The following NKAIN2 variants were observed in gnomAD, a reference collection of about 807,000 sequenced individuals.
The protein encoded by NKAIN2 is sodium/potassium-transporting ATPase subunit beta-1-interacting protein 2.
Under a neutral mutation model 32.6 loss-of-function variants are expected in NKAIN2, and 14 were observed. The ratio of observed to expected loss-of-function variants is 0.43; its 90% CI spans 0.28 to 0.67. The LOEUF is 0.67. Ranked by LOEUF, NKAIN2 falls within the 30% of genes least tolerant of loss-of-function variation. NKAIN2 has a pLI of 0.17. For missense variants in NKAIN2, 198 were observed against 258.3 expected (o/e 0.77, Z 1.60); for synonymous variants, 80 against 87.2 (o/e 0.92, Z 0.46).
intron 3 of NKAIN2, among the ~76,000 whole-genome samples, chr6:124,636,103 A>T (rs1344118586): frequency 6.6e-6 from 1 of 151,982 alleles, no homozygotes; most frequent in Non-Finnish European, 1.5e-5. Flanking sequence ...TTCTCAGACC[A>T]CAATAGAATA....
chr6:124,682,887 G>T (rs1304595501), intron 4 of NKAIN2, among the ~76,000 whole-genome samples: 1 of 152,090 alleles, frequency 6.6e-6, no homozygotes, highest in Non-Finnish European at 1.5e-5. Flanking sequence ...GCTTTACTCA[G>T]GTTCTCACTT....
intron 3 of NKAIN2, among the ~76,000 whole-genome samples, chr6:124,509,637 CAGTAATTTGTG>C (rs1180734432): frequency 6.6e-6 from 1 of 152,186 alleles, no homozygotes; most frequent in African/African-American, 2.4e-5. Context: ...AATACCCACC[CAGTAATTTGTG>C]AGCAAGAAGC....
Position 123,807,874 on chromosome 6 carries a change from G to T in NKAIN2, c.54+3620G>T, listed in dbSNP as rs568865921. Among the ~76,000 whole-genome samples, 33 of 152,274 alleles carry T rather than the reference G, an allele frequency of 2.2e-4. No individual in the cohort carries two copies. The South Asian group carries it at 5.8e-3, about 27-fold the overall frequency. ...ATGAAATATTGTTAACTTGGAGCAGGTGCAACTAACAATTAGGTTAGTACA... is the reference window on the plus strand; with the variant it reads ...ATGAAATATTGTTAACTTGGAGCAGTTGCAACTAACAATTAGGTTAGTACA... On this transcript the variant is annotated intron_variant, in intron 1 of 6. Transcript: ENST00000368417.
intron 4 of NKAIN2, among the ~76,000 whole-genome samples, chr6:124,686,310 GA>G (rs1463686832): frequency 6.6e-6 from 1 of 152,104 alleles, no homozygotes; most frequent in South Asian, 2.1e-4. Context: ...AATTTATAAA[GA>G]AAAAAGGTTT....
intron 1 of NKAIN2, among the ~76,000 whole-genome samples, chr6:123,850,343 A>G (rs1290463903): frequency 3.3e-5 from 2 of 60,614 alleles, no homozygotes; most frequent in African/African-American, 2.4e-4. Flanking sequence ...CAAGCTGCTG[A>G]AAAAAAAAAA....
chr6:124,708,101 C>G (rs1775201372), intron 4 of NKAIN2, among the ~76,000 whole-genome samples: 1 of 149,322 alleles, frequency 6.7e-6, no homozygotes, highest in Non-Finnish European at 1.5e-5. Context: ...TATAGGGAAT[C>G]CTTTCCCCAT....
chr6:123,965,226 A>G (rs1163547010), intron 1 of NKAIN2, among the ~76,000 whole-genome samples: 2 of 152,166 alleles, frequency 1.3e-5, no homozygotes, highest in Admixed American at 6.5e-5. Context: ...ACAGATAACC[A>G]GAGGTGCCAG....
chr6:124,103,192 T>G (rs745480073), intron 1 of NKAIN2, among the ~76,000 whole-genome samples: 1 of 152,166 alleles, frequency 6.6e-6, no homozygotes, highest in Non-Finnish European at 1.5e-5. Flanking sequence ...CAGACTGAAA[T>G]GAGAGGAAAC....
At chr6:124,658,089 C>T in intron 3 of NKAIN2, 97 bp from the exon 4 acceptor site, 1 of 957,700 alleles carries the variant, frequency 1.0e-6, no homozygotes, top group Admixed American at 2.5e-5. Flanking sequence ...CAAACAAACC[C>T]ACATTTCCAA....
intron 1 of NKAIN2, among the ~76,000 whole-genome samples, chr6:123,814,378 A>G (rs1425735885): frequency 1.3e-5 from 2 of 152,202 alleles, no homozygotes; most frequent in African/African-American, 4.8e-5. Flanking sequence ...TTAGTTTACC[A>G]TTTTATAGAC....
At chr6:123,986,889 T>A (rs564083540) in intron 1 of NKAIN2, among the ~76,000 whole-genome samples, 1 of 152,232 alleles carries the variant, frequency 6.6e-6, no homozygotes, top group Admixed American at 6.5e-5. Flanking sequence ...GGTGTTGAGG[T>A]TGCCTGGGTG....
chr6:124,807,979 G>T (rs1201618549), intron 5 of NKAIN2, among the ~76,000 whole-genome samples: 18 of 148,344 alleles, frequency 1.2e-4, no homozygotes, highest in African/African-American at 4.1e-4. Flanking sequence ...ATCTGAAATT[G>T]TGGCAATAAT....
At chr6:124,171,742 G>A (rs764555369) in intron 1 of NKAIN2, among the ~76,000 whole-genome samples, 2 of 150,920 alleles carry the variant, frequency 1.3e-5, no homozygotes, top group Non-Finnish European at 2.9e-5. Context: ...AGTAGAGATG[G>A]GGTTTCACCG....
intron 2 of NKAIN2, among the ~76,000 whole-genome samples, chr6:124,345,742 T>C (rs1798389210): frequency 6.6e-6 from 1 of 152,066 alleles, no homozygotes; most frequent in African/African-American, 2.4e-5. Context: ...TTTATTAGTC[T>C]TGCTAGCGGT....
At chr6:123,883,071 G>C (rs936014576) in intron 1 of NKAIN2, among the ~76,000 whole-genome samples, 1 of 152,086 alleles carries the variant, frequency 6.6e-6, no homozygotes, top group Non-Finnish European at 1.5e-5. Flanking sequence ...CCCCAGTGTT[G>C]GAAGAGGGGC....
At chr6:124,473,934 G>T (rs1176164119) in intron 3 of NKAIN2, among the ~76,000 whole-genome samples, 2 of 152,084 alleles carry the variant, frequency 1.3e-5, no homozygotes, top group Non-Finnish European at 2.9e-5. Flanking sequence ...AAAAATAAAA[G>T]AATATTATTC....
intron 3 of NKAIN2, among the ~76,000 whole-genome samples, chr6:124,393,516 T>C (rs1773232004): frequency 6.6e-6 from 1 of 152,160 alleles, no homozygotes; most frequent in South Asian, 2.1e-4. Flanking sequence ...AGTTAATAGA[T>C]TCATTTATGT....
intron 3 of NKAIN2, among the ~76,000 whole-genome samples, chr6:124,609,186 TC>T (rs1233718197): frequency 2.0e-5 from 3 of 152,100 alleles, no homozygotes; most frequent in Non-Finnish European, 4.4e-5. Context: ...GACCAATATT[TC>T]CCCTCAATGT....
chr6:124,072,505 G>A (rs1015386250), intron 1 of NKAIN2, among the ~76,000 whole-genome samples: 1 of 151,984 alleles, frequency 6.6e-6, no homozygotes, highest in African/African-American at 2.4e-5. Flanking sequence ...AAAATAAAAA[G>A]AAAAGAAATT....
Sources: gnomAD v4.1 joint callset for allele counts (sites outside exome capture counted in the v4.1 genomes callset) on GRCh38, gnomAD v4.1.1 for gene constraint, MANE v1.5 for transcripts, NCBI Gene and HGNC (gene_info 2026-07-23, HGNC 2026-07-21) for gene names.